DOCK1: variants seen among roughly 807,000 people sequenced by gnomAD.
DOCK1 encodes dedicator of cytokinesis 1.
A neutral mutation model predicts 262.7 loss-of-function variants in DOCK1; 138 were observed. The ratio of observed to expected loss-of-function variants is 0.53; its 90% CI spans 0.46 to 0.61. DOCK1 has a LOEUF of 0.61. DOCK1 is among the 20% of genes least tolerant of loss of function. DOCK1 has a pLI of 0.00. For synonymous variants in DOCK1, 866 were observed against 867.4 expected (o/e 1.00, Z 0.03); for missense variants, 1,908 against 2,370.7 (o/e 0.80, Z 4.05).
At chr10:127,154,005 C>A in intron 27 of DOCK1, 1 of 897,604 alleles carries the variant, frequency 1.1e-6, no homozygotes, top group Non-Finnish European at 1.9e-6. Flanking sequence ...AAATCAAATG[C>A]CTTCCCAATG....
chr10:127,111,493 TA>T (rs1471168128), intron 25 of DOCK1, among the ~76,000 whole-genome samples: 2 of 152,186 alleles, frequency 1.3e-5, no homozygotes, highest in Non-Finnish European at 2.9e-5. Context: ...ATTGAGCTAT[TA>T]TTCCTGACTG....
At chr10:127,117,283 A>G (rs1592091109) in intron 25 of DOCK1, among the ~76,000 whole-genome samples, 1 of 152,226 alleles carries the variant, frequency 6.6e-6, no homozygotes, top group Admixed American at 6.5e-5. Flanking sequence ...CAATGCTCAG[A>G]TAAGGACACC....
Position 127,373,849 on chromosome 10 carries a change from A to C in DOCK1, c.3501A>C (p.Lys1167Asn). The C allele has an allele frequency of 6.2e-7, 1 of 1,609,296 alleles. No individual in the cohort carries two copies. Among genetic ancestry groups the C allele is most frequent in the Non-Finnish European group, 8.5e-7 (1 of 1,177,698 alleles). The change falls in exon 34 of 52, where the codon AAA (lysine) becomes AAC (asparagine). Residue 1167 changes from lysine (K) to asparagine (N), a missense_variant. This residue lies in a region of DOCK1 where 518 missense variants were observed against 575.1 expected (regional missense o/e 0.90). Transcript: ENST00000623213. ...GAGGCAGAGGAGACGAACAGTACAA[A>C]GTGTTATTTGATAAAATGTAAGTGT... Reference protein sequence around the residue: ...VEGGRGDEQYKVLFDKILLEH... With the variant: ...VEGGRGDEQYNVLFDKILLEH...
At chr10:127,353,096 C>T (rs2063966343) in intron 31 of DOCK1, among the ~76,000 whole-genome samples, 1 of 152,172 alleles carries the variant, frequency 6.6e-6, no homozygotes, top group Non-Finnish European at 1.5e-5. Flanking sequence ...CTTTCCTGGG[C>T]TTGTCCAACC....
intron 27 of DOCK1, among the ~76,000 whole-genome samples, chr10:127,201,317 C>T (rs1240071300): frequency 5.9e-5 from 9 of 152,212 alleles, no homozygotes; most frequent in East Asian, 1.9e-4. Flanking sequence ...GGCTCTTGCA[C>T]GGTCCTGGCA....
intron 23 of DOCK1, among the ~76,000 whole-genome samples, chr10:127,068,932 G>A (rs2135903774): frequency 6.6e-6 from 1 of 152,328 alleles, no homozygotes; most frequent in East Asian, 1.9e-4. Context: ...TACTTAACCA[G>A]TTTTCCATTT....
chr10:127,277,210 G>A lies in DOCK1; in HGVS notation c.3044+19781G>A, dbSNP rs546784527. On this transcript the variant is annotated intron_variant, in intron 29 of 51. Transcript: ENST00000623213. Reference sequence around the variant, plus strand: ...AAATTCTCCATTTAAAAATGTAGAAGCATTTTATCCTATACAATTATAAAC... The same window carrying A: ...AAATTCTCCATTTAAAAATGTAGAAACATTTTATCCTATACAATTATAAAC... Among the ~76,000 whole-genome samples the A allele has an allele frequency of 3.3e-5, 5 of 151,566 alleles. No individual in the cohort carries two copies. The East Asian group carries it at 9.9e-4, about 30-fold the overall frequency.
intron 29 of DOCK1, among the ~76,000 whole-genome samples, chr10:127,278,686 G>A (rs1466692143): frequency 1.3e-5 from 2 of 152,084 alleles, no homozygotes; most frequent in South Asian, 4.1e-4. Flanking sequence ...GAGGCAAAGA[G>A]AGGAGGAGAG....
chr10:127,260,592 C>T (rs1470110273), intron 29 of DOCK1, among the ~76,000 whole-genome samples: 1 of 151,958 alleles, frequency 6.6e-6, no homozygotes. Flanking sequence ...TACCCATGCT[C>T]ATCTGTGTGT....
chr10:126,969,146 G>A (rs1357516691), intron 1 of DOCK1, among the ~76,000 whole-genome samples: 2 of 152,216 alleles, frequency 1.3e-5, no homozygotes, highest in Admixed American at 6.5e-5. Flanking sequence ...TCCAACAGGG[G>A]CATCATTTTC....
intron 27 of DOCK1, among the ~76,000 whole-genome samples, chr10:127,225,196 G>A (rs1441097477): frequency 7.2e-5 from 11 of 152,148 alleles, no homozygotes; most frequent in East Asian, 1.9e-4. Flanking sequence ...TTACTAAGGC[G>A]CATGTAATTT....
chr10:127,439,382 C>T (rs1228147695), intron 49 of DOCK1, 157 bp downstream of exon 49: 1 of 733,690 alleles, frequency 1.4e-6, no homozygotes, highest in East Asian at 2.8e-5. Flanking sequence ...CCTCAAATGT[C>T]CCAAGGCAGT....
At chr10:127,438,908 C>T (rs2069878221) in intron 48 of DOCK1, 119 bp from the exon 49 acceptor site, 4 of 1,069,976 alleles carry the variant, frequency 3.7e-6, no homozygotes, top group East Asian at 2.6e-5. Flanking sequence ...CCTTGGCCTC[C>T]CTTTTAAATC....
chr10:126,938,930 C>CG (rs1354667422), intron 1 of DOCK1, among the ~76,000 whole-genome samples: 1 of 87,366 alleles, frequency 1.1e-5, no homozygotes, highest in African/African-American at 5.2e-5. Context: ...AGGATGAACA[C>CG]GGGGGGACGA....
chr10:127,194,985 C>T (rs1337752302), intron 27 of DOCK1, among the ~76,000 whole-genome samples: 1 of 111,348 alleles, frequency 9.0e-6, no homozygotes, highest in Non-Finnish European at 1.9e-5. Flanking sequence ...GGGGTCCGGG[C>T]GGGAGCCCTG....
At chr10:126,911,872 G>A (rs893055756) in intron 1 of DOCK1, among the ~76,000 whole-genome samples, 2 of 152,146 alleles carry the variant, frequency 1.3e-5, no homozygotes, top group Non-Finnish European at 2.9e-5. Flanking sequence ...GATATGATGG[G>A]AAGTGCTTTG....
intron 1 of DOCK1, among the ~76,000 whole-genome samples, chr10:126,938,791 G>A (rs1018296729): frequency 7.3e-4 from 37 of 50,948 alleles, no homozygotes; most frequent in African/African-American, 2.3e-3. Flanking sequence ...GAACACCAGC[G>A]GGGATGAGCA....
chr10:127,430,563 C>T (rs2134619039), intron 47 of DOCK1, among the ~76,000 whole-genome samples: 1 of 152,264 alleles, frequency 6.6e-6, no homozygotes, highest in Non-Finnish European at 1.5e-5. Flanking sequence ...TAACATCACA[C>T]TCGCACCCTC....
intron 27 of DOCK1, among the ~76,000 whole-genome samples, chr10:127,243,598 A>G (rs2059335823): frequency 6.6e-6 from 1 of 152,136 alleles, no homozygotes; most frequent in Non-Finnish European, 1.5e-5. Context: ...TGGGGGCCCA[A>G]ACACATTTAA....
Sources: gnomAD v4.1 joint callset for allele counts (sites outside exome capture counted in the v4.1 genomes callset) on GRCh38, gnomAD v4.1.1 for gene constraint, gnomAD v4.1.1 regional missense constraint, MANE v1.5 for transcripts, NCBI Gene and HGNC (gene_info 2026-07-23, HGNC 2026-07-21) for gene names.